Variants in GRIK4 observed in about 807,000 individuals in gnomAD.
GRIK4 encodes the protein glutamate receptor ionotropic, kainate 4.
In GRIK4, 40 loss-of-function variants were observed where a neutral mutation model predicts 104.9. That is an observed-to-expected ratio of 0.38 (90% CI 0.30 to 0.50). The LOEUF is 0.50. Among genes scored for constraint, GRIK4 ranks in the 20% least tolerant of loss-of-function variants. The pLI is 0.93. For missense variants in GRIK4, 1,047 were observed against 1,308.1 expected (o/e 0.80, Z 3.08); for synonymous variants, 485 against 524.9 (o/e 0.92, Z 1.04).
At chr11:120,637,880 A>T (rs539899746) in intron 1 of GRIK4, among the ~76,000 whole-genome samples, 1 of 151,438 alleles carries the variant, frequency 6.6e-6, no homozygotes, top group African/African-American at 2.4e-5. Flanking sequence ...GCATATGTTT[A>T]TTATTATTAT....
At chr11:120,857,335 G>T (rs756316166) in intron 8 of GRIK4, among the ~76,000 whole-genome samples, 5 of 152,174 alleles carry the variant, frequency 3.3e-5, no homozygotes, top group African/African-American at 9.7e-5. Context: ...AAAGTGAGGG[G>T]CGCCCTTCCA....
rs1297309603 is a variant in GRIK4 at position 120,987,670 on chromosome 11, A to G, written c.*1410A>G. ...ATTTAACTTCTCTTCCATCTACCAA[A>G]TAGGAGTTACTGATGCTGTCCAGGT... On this transcript the variant is annotated 3_prime_UTR_variant, in exon 21 of 21. Transcript: ENST00000527524. 2 of 152,164 alleles carry G rather than the reference A, an allele frequency of 1.3e-5. No homozygotes were observed. Among genetic ancestry groups the G allele is most frequent in the African/African-American group, 4.8e-5 (2 of 41,420 alleles). 9.4% of individuals were successfully genotyped at this position (152,164 alleles called of 1,614,324 possible).
At chr11:120,783,036 CT>C in intron 3 of GRIK4, among the ~76,000 whole-genome samples, 1 of 152,314 alleles carries the variant, frequency 6.6e-6, no homozygotes, top group African/African-American at 2.4e-5. Flanking sequence ...TGCTTACTAC[CT>C]TCACATTGGG....
At chr11:120,650,054 C>T (rs1018834245) in intron 1 of GRIK4, among the ~76,000 whole-genome samples, 3 of 152,184 alleles carry the variant, frequency 2.0e-5, no homozygotes, top group Non-Finnish European at 4.4e-5. Context: ...AGAGCCAGTC[C>T]TGCCCTTCCC....
At chr11:120,640,624 T>G (rs1949458170) in intron 1 of GRIK4, among the ~76,000 whole-genome samples, 2 of 152,244 alleles carry the variant, frequency 1.3e-5, no homozygotes, top group African/African-American at 4.8e-5. Context: ...CCATGTAACT[T>G]TCTTTTAACC....
At chr11:120,598,969 C>T (rs1458128299) in intron 1 of GRIK4, among the ~76,000 whole-genome samples, 1 of 152,148 alleles carries the variant, frequency 6.6e-6, no homozygotes, top group Non-Finnish European at 1.5e-5. Flanking sequence ...GCCAAGAAGC[C>T]CCATTTGAAG....
In GRIK4 at chr11:120,902,524, G is replaced by A. The variant is rs958402552; in HGVS notation, c.1273-2766G>A. Among the ~76,000 whole-genome samples, 6 of 152,188 alleles carry A rather than the reference G, an allele frequency of 3.9e-5. No homozygotes were observed. Among genetic ancestry groups the A allele is most frequent in the African/African-American group, 1.4e-4 (6 of 41,436 alleles). On this transcript the variant is annotated intron_variant, in intron 12 of 20. Coordinates refer to ENST00000527524, the MANE Select transcript of GRIK4 (RefSeq NM_014619.5). The surrounding 1 kb of genome is among the most constrained non-coding windows in gnomAD (Gnocchi z 4.5). ...GATACAATGGGACATTACCAGTCCT[G>A]AGATGGAAACCCCCAGCCATGCCCT...
At chr11:120,879,024 A>C (rs981154515) in intron 11 of GRIK4, among the ~76,000 whole-genome samples, 1 of 152,294 alleles carries the variant, frequency 6.6e-6, no homozygotes, top group African/African-American at 2.4e-5. Flanking sequence ...AATCACTTCC[A>C]ATCTTGACGA....
Position 120,792,572 on chromosome 11 carries a change from G to A in GRIK4, c.83-10121G>A, listed in dbSNP as rs188545566. 4.8e-3 allele frequency among the ~76,000 whole-genome samples: 733 copies of A among 152,164 alleles called. 6 individuals are homozygous for A. The highest frequency in any genetic ancestry group is 0.024 in the Middle Eastern group (7 of 294). Reference sequence around the variant, plus strand: ...TGAGATGAAAGGACCGAAGTAGGGTGGTGGTGTTAAGACTGGAAAGAAGTG... The same window carrying A: ...TGAGATGAAAGGACCGAAGTAGGGTAGTGGTGTTAAGACTGGAAAGAAGTG... On this transcript the variant is annotated intron_variant, in intron 3 of 20. Coordinates refer to ENST00000527524, the MANE Select transcript of GRIK4 (RefSeq NM_014619.5).
intron 3 of GRIK4, among the ~76,000 whole-genome samples, chr11:120,731,536 A>G (rs1293726730): frequency 6.6e-6 from 1 of 151,920 alleles, no homozygotes; most frequent in East Asian, 1.9e-4. Flanking sequence ...TCTATTTTTG[A>G]TATGTCTTTG....
chr11:120,676,937 A>G (rs1008601530), intron 3 of GRIK4, among the ~76,000 whole-genome samples: 2 of 152,240 alleles, frequency 1.3e-5, no homozygotes, highest in Admixed American at 1.3e-4. Context: ...TCTCATGAGC[A>G]GTTCCATGTG....
chr11:120,929,023 A>ATG (rs71050760), intron 13 of GRIK4, among the ~76,000 whole-genome samples: 1,133 of 89,574 alleles, frequency 0.013, 17 homozygotes, highest in African/African-American at 0.041. Context: ...GTGTGCGCAC[A>ATG]TGTGTGTGTG....
intron 13 of GRIK4, among the ~76,000 whole-genome samples, chr11:120,911,179 A>G (rs992992243): frequency 4.6e-5 from 7 of 152,162 alleles, no homozygotes; most frequent in Admixed American, 2.0e-4. Context: ...CACTGTTGCA[A>G]GAGATGGTGA....
chr11:120,954,832 A>T (rs614521), intron 15 of GRIK4, among the ~76,000 whole-genome samples: 368 of 7,970 alleles, frequency 0.046, 5 homozygotes, highest in African/African-American at 0.18. Flanking sequence ...CACACACACA[A>T]ACAATACTGG....
At position 120,988,503 on chromosome 11, in the gene GRIK4, C is replaced by T. The variant is rs1290011112; in HGVS notation, c.*2243C>T. ...TTTAATGGATTAGTGAAATAAATGTCCCCATGCATCATTTATAGTCTGTTT... is the reference window on the plus strand; with the variant it reads ...TTTAATGGATTAGTGAAATAAATGTTCCCATGCATCATTTATAGTCTGTTT... On this transcript the variant is annotated 3_prime_UTR_variant, in exon 21 of 21. Transcript: ENST00000527524. 6.6e-6 allele frequency: 1 copy of T among 152,094 alleles called. No homozygotes were observed. Among genetic ancestry groups the T allele is most frequent in the East Asian group, 1.9e-4 (1 of 5,188 alleles). 9.4% of individuals were successfully genotyped at this position (152,094 alleles called of 1,614,324 possible).
chr11:120,908,930 A>G (rs1018838018), intron 13 of GRIK4, among the ~76,000 whole-genome samples: 1 of 152,272 alleles, frequency 6.6e-6, no homozygotes, highest in Non-Finnish European at 1.5e-5. Flanking sequence ...CAAGTGGGTG[A>G]GAGCTGTGAC....
intron 11 of GRIK4, among the ~76,000 whole-genome samples, chr11:120,879,819 C>G (rs150439108): frequency 1.1e-3 from 168 of 152,286 alleles, no homozygotes; most frequent in African/African-American, 3.9e-3. Context: ...TTTCATGACA[C>G]GGAAGATGGC....
intron 16 of GRIK4, among the ~76,000 whole-genome samples, chr11:120,960,202 G>T (rs1453572805): frequency 6.6e-6 from 1 of 152,126 alleles, no homozygotes; most frequent in Non-Finnish European, 1.5e-5. Flanking sequence ...GGTGGTGCAT[G>T]CCTATAGTTT....
At chr11:120,574,444 G>A (rs1948450888) in intron 1 of GRIK4, among the ~76,000 whole-genome samples, 2 of 152,210 alleles carry the variant, frequency 1.3e-5, no homozygotes, top group South Asian at 4.1e-4. Flanking sequence ...GACGGGCACT[G>A]TTTTACTCCC....
Sources: gnomAD v4.1 joint callset for allele counts (sites outside exome capture counted in the v4.1 genomes callset) on GRCh38, gnomAD v4.1.1 for gene constraint, Gnocchi (gnomAD v3.1) non-coding constraint, MANE v1.5 for transcripts, NCBI Gene and HGNC (gene_info 2026-07-23, HGNC 2026-07-21) for gene names.